Variants in NXN observed in about 807,000 individuals in gnomAD.
The protein encoded by NXN is nucleoredoxin.
In NXN, 16 loss-of-function variants were observed where a neutral mutation model predicts 48.6. The ratio of observed to expected loss-of-function variants is 0.33; its 90% CI spans 0.22 to 0.50. The LOEUF (loss-of-function observed/expected upper bound fraction) is 0.50, where lower values mean the gene tolerates loss of function less well. Ranked by LOEUF, NXN falls within the 20% of genes least tolerant of loss-of-function variation. The pLI is 0.98. For missense variants in NXN, 492 were observed against 605.5 expected (o/e 0.81, Z 1.97); for synonymous variants, 281 against 269.6 (o/e 1.04, Z -0.41).
At chr17:916,160 G>A (rs2068686946) in intron 1 of NXN, among the ~76,000 whole-genome samples, 1 of 152,150 alleles carries the variant, frequency 6.6e-6, no homozygotes, top group South Asian at 2.1e-4. Context: ...AAAACTCTAG[G>A]CCCACTTTGC....
intron 5 of NXN, among the ~76,000 whole-genome samples, chr17:810,439 G>C (rs1051858426): frequency 1.3e-5 from 2 of 152,184 alleles, no homozygotes; most frequent in African/African-American, 4.8e-5. Context: ...TTTAACGGCA[G>C]CCTATTTAGC....
chr17:923,915 G>A (rs924680430), intron 1 of NXN, among the ~76,000 whole-genome samples: 1 of 152,106 alleles, frequency 6.6e-6, no homozygotes, highest in African/African-American at 2.4e-5. Context: ...ACGACAAAAC[G>A]ACAGGTATAT....
At chr17:924,070 GTTTTT>G (rs535263185) in intron 1 of NXN, among the ~76,000 whole-genome samples, 1 of 142,772 alleles carries the variant, frequency 7.0e-6, no homozygotes, top group African/African-American at 2.6e-5. Flanking sequence ...TTCTCAAAAA[GTTTTT>G]TTTTTTTTTT....
intron 1 of NXN, among the ~76,000 whole-genome samples, chr17:918,759 C>G (rs1167792242): frequency 7.4e-6 from 1 of 135,788 alleles, no homozygotes; most frequent in Non-Finnish European, 1.5e-5. Context: ...CGCCACCGCA[C>G]TCCAGCCTGG....
At chr17:895,800 G>GACAGAGCGAGAC (rs1327841147) in intron 1 of NXN, among the ~76,000 whole-genome samples, 2,184 of 147,278 alleles carry the variant, frequency 0.015, 53 homozygotes, top group African/African-American at 0.042. Flanking sequence ...CCTGGGTTTT[G>GACAGAGCGAGAC]TTTGTCTCAA....
At position 923,160 on chromosome 17, in the gene NXN, G is replaced by A. The variant is rs75696252; in HGVS notation, c.360+56159C>T. On this transcript the variant is annotated intron_variant, in intron 1 of 7. Coordinates refer to ENST00000336868, the MANE Select transcript of NXN (RefSeq NM_022463.5). ...CCTTAGGGACCACCACCTGGACGGC[G>A]CGGTGGCTCACACCTGGAATCCCGA... is the stretch of plus-strand genomic sequence containing the variant. Among the ~76,000 whole-genome samples, 469 of 152,164 alleles carry A rather than the reference G, an allele frequency of 3.1e-3. 6 individuals are homozygous for A. The highest frequency in any genetic ancestry group is 0.01 in the African/African-American group (431 of 41,510).
intron 5 of NXN, among the ~76,000 whole-genome samples, chr17:811,802 G>GC (rs1351140396): frequency 2.7e-5 from 4 of 149,420 alleles, no homozygotes; most frequent in African/African-American, 5.0e-5. Flanking sequence ...CACCCGTACC[G>GC]CCCCCCAGAC....
At chr17:971,936 C>T (rs1319472717) in intron 1 of NXN, among the ~76,000 whole-genome samples, 6 of 152,032 alleles carry the variant, frequency 3.9e-5, no homozygotes, top group Admixed American at 6.6e-5. Flanking sequence ...GAAGCCGAGG[C>T]GGGTGGATCA....
At chr17:950,424 G>T (rs1490327099) in intron 1 of NXN, among the ~76,000 whole-genome samples, 1 of 152,080 alleles carries the variant, frequency 6.6e-6, no homozygotes, top group Non-Finnish European at 1.5e-5. Context: ...CTTATCCAAG[G>T]CAGGGAACTA....
intron 1 of NXN, among the ~76,000 whole-genome samples, chr17:977,759 T>A (rs2069478781): frequency 6.6e-6 from 1 of 152,218 alleles, no homozygotes; most frequent in Non-Finnish European, 1.5e-5. Context: ...TGAACATTAT[T>A]TCTCCACGAA....
intron 1 of NXN, among the ~76,000 whole-genome samples, chr17:848,930 CAT>C (rs1567832055): frequency 6.6e-6 from 1 of 152,182 alleles, no homozygotes; most frequent in African/African-American, 2.4e-5. Flanking sequence ...CCATACCACA[CAT>C]GTGCCTGGTC....
rs993267650 is a variant in NXN, at chr17:915,091, C to T, written c.360+64228G>A. The stretch of plus-strand genomic sequence containing the variant: ...CTGGGAATACAGGCACCCGCCACAA[C>T]GCCAAGCTCATTTTTTGTATTTTTA... On this transcript the variant is annotated intron_variant, in intron 1 of 7. Transcript: ENST00000336868. Among the ~76,000 whole-genome samples the T allele has an allele frequency of 4.6e-5, 7 of 151,940 alleles. 1 individual carries two copies. Among genetic ancestry groups the T allele is most frequent in the Admixed American group, 2.0e-4 (3 of 15,242 alleles).
rs139543155 is a variant in NXN at position 859,652 on chromosome 17, G to A, written c.361-33574C>T. Among the ~76,000 whole-genome samples the A allele has an allele frequency of 8.4e-3, 1,283 of 152,282 alleles. 14 individuals are homozygous for A. Among genetic ancestry groups the A allele is most frequent in the African/African-American group, 0.03 (1,231 of 41,556 alleles). ...CAACTGATCTGCTCTGTCACGACCT[G>A]TTTCACGGATCCCAGATCTGCTCTG... On this transcript the variant is annotated intron_variant, in intron 1 of 7. Transcript: ENST00000336868.
Position 920,681 on chromosome 17 carries a change from G to A in NXN, c.360+58638C>T, listed in dbSNP as rs1052463932. 4.0e-5 allele frequency among the ~76,000 whole-genome samples: 6 copies of A among 150,728 alleles called. No individual in the cohort carries two copies. Among genetic ancestry groups the A allele is most frequent in the African/African-American group, 1.5e-4 (6 of 41,030 alleles). On this transcript the variant is annotated intron_variant, in intron 1 of 7. Transcript: ENST00000336868. The surrounding 1 kb of genome is among the most constrained non-coding windows in gnomAD (Gnocchi z 4.6). ...CTTCATTCATACCGCCTTGCCAATC[G>A]CCCTCAAAATCACCTGGAAGATTCC...
At chr17:880,826 G>A (rs1336397625) in intron 1 of NXN, among the ~76,000 whole-genome samples, 1 of 152,104 alleles carries the variant, frequency 6.6e-6, no homozygotes, top group African/African-American at 2.4e-5. Flanking sequence ...GCGAAGGACA[G>A]ATACTTCCAA....
chr17:977,151 T>G (rs1173268770), intron 1 of NXN, among the ~76,000 whole-genome samples: 1 of 152,178 alleles, frequency 6.6e-6, no homozygotes, highest in Non-Finnish European at 1.5e-5. Flanking sequence ...TCTTTTTACC[T>G]GGTATATATC....
chr17:977,088 C>G (rs796314513), intron 1 of NXN, among the ~76,000 whole-genome samples: 23 of 152,058 alleles, frequency 1.5e-4, no homozygotes, highest in Admixed American at 7.2e-4. Flanking sequence ...AAAATCAGCA[C>G]GTAGCTTTTG....
chr17:901,914 G>C (rs933502071), intron 1 of NXN, among the ~76,000 whole-genome samples: 19 of 152,042 alleles, frequency 1.2e-4, no homozygotes, highest in African/African-American at 4.3e-4. Context: ...TGGCCAGGCT[G>C]GTCTCAAACT....
chr17:892,155 C>T (rs868222962), intron 1 of NXN, among the ~76,000 whole-genome samples: 1 of 149,844 alleles, frequency 6.7e-6, no homozygotes, highest in South Asian at 2.1e-4. Flanking sequence ...CACAACCCAA[C>T]AGGGAACTAA....
Sources: allele counts gnomAD v4.1 joint callset (sites outside exome capture counted in the v4.1 genomes callset), GRCh38; gene constraint gnomAD v4.1.1; non-coding constraint Gnocchi (gnomAD v3.1); transcripts MANE v1.5; gene names NCBI Gene and HGNC (gene_info 2026-07-23, HGNC 2026-07-21).